The following NTRK3 variants were observed in gnomAD, a reference collection of about 807,000 sequenced individuals.
The protein encoded by NTRK3 is NT-3 growth factor receptor.
NTRK3 carries 24 observed loss-of-function variants against 91.7 expected under a neutral mutation model. The ratio of observed to expected loss-of-function variants is 0.26; its 90% CI spans 0.19 to 0.37. The LOEUF (loss-of-function observed/expected upper bound fraction) is 0.37, where lower values mean the gene tolerates loss of function less well. Ranked by LOEUF, NTRK3 falls within the 10% of genes least tolerant of loss-of-function variation. The pLI is 1.00. For missense variants in NTRK3, 880 were observed against 1,068.9 expected, an observed-to-expected ratio of 0.82 and a Z score of 2.46; for synonymous variants, 483 against 404.0, an observed-to-expected ratio of 1.20 and a Z score of -2.34.
At chr15:88,231,529 T>C (rs890027446) in intron 3 of NTRK3, among the ~76,000 whole-genome samples, 1 of 152,098 alleles carries the variant, frequency 6.6e-6, no homozygotes, top group African/African-American at 2.4e-5. Flanking sequence ...ACTGAGTCTA[T>C]GCAAATTTAG....
At chr15:88,214,513 A>G (rs2049553672) in intron 3 of NTRK3, among the ~76,000 whole-genome samples, 1 of 152,136 alleles carries the variant, frequency 6.6e-6, no homozygotes, top group Admixed American at 6.6e-5. Context: ...CAAAGACCCT[A>G]TTTCCAACAC....
intron 3 of NTRK3, among the ~76,000 whole-genome samples, chr15:88,209,780 C>T (rs915197213): frequency 6.6e-6 from 1 of 152,232 alleles, no homozygotes; most frequent in Non-Finnish European, 1.5e-5. Context: ...ACCACAGACT[C>T]AAACAGTGCC....
At chr15:88,043,644 A>T (rs2079866999) in intron 13 of NTRK3, among the ~76,000 whole-genome samples, 1 of 152,200 alleles carries the variant, frequency 6.6e-6, no homozygotes, top group Non-Finnish European at 1.5e-5. Context: ...CTGAGGGCTA[A>T]GCCCAAATGC....
At chr15:88,154,485 T>C (rs1398996266) in intron 5 of NTRK3, among the ~76,000 whole-genome samples, 1 of 152,244 alleles carries the variant, frequency 6.6e-6, no homozygotes, top group African/African-American at 2.4e-5. Flanking sequence ...ATCATTGATA[T>C]ATTTGCTTTT....
intron 14 of NTRK3, among the ~76,000 whole-genome samples, chr15:87,972,834 G>C (rs1478124323): frequency 2.0e-5 from 3 of 152,154 alleles, no homozygotes; most frequent in Non-Finnish European, 2.9e-5. Context: ...CTCTACCTCA[G>C]AGTTCCAAGT....
At chr15:87,912,694 C>T (rs561222047) in intron 17 of NTRK3, among the ~76,000 whole-genome samples, 1 of 151,954 alleles carries the variant, frequency 6.6e-6, no homozygotes, top group African/African-American at 2.4e-5. Context: ...AGATGACCTC[C>T]AACTTCATTT....
intron 13 of NTRK3, among the ~76,000 whole-genome samples, chr15:88,043,289 A>T (rs1333341558): frequency 6.6e-6 from 1 of 152,256 alleles, no homozygotes; most frequent in Non-Finnish European, 1.5e-5. Flanking sequence ...TGCACGTATA[A>T]GGTGACTGGA....
chr15:87,954,615 A>G (rs898336686), intron 14 of NTRK3, among the ~76,000 whole-genome samples: 7 of 152,244 alleles, frequency 4.6e-5, no homozygotes, highest in Non-Finnish European at 8.8e-5. Flanking sequence ...TATCTGCAAC[A>G]GAGCAAAACC....
At chr15:88,130,081 T>C (rs898980924) in intron 10 of NTRK3, among the ~76,000 whole-genome samples, 2 of 152,214 alleles carry the variant, frequency 1.3e-5, no homozygotes, top group African/African-American at 2.4e-5. Context: ...CCAACACCTT[T>C]ATCTCAGGCT....
chr15:88,208,416 T>C (rs1567649643), intron 3 of NTRK3, among the ~76,000 whole-genome samples: 2 of 152,202 alleles, frequency 1.3e-5, no homozygotes, highest in East Asian at 3.9e-4. Context: ...AGAAAGCAAT[T>C]TGACATTTGC....
intron 14 of NTRK3, among the ~76,000 whole-genome samples, chr15:87,987,955 A>G (rs1172129070): frequency 6.6e-6 from 1 of 152,146 alleles, no homozygotes; most frequent in Admixed American, 6.5e-5. Context: ...AGAATTACGA[A>G]TACTTTACGC....
intron 14 of NTRK3, among the ~76,000 whole-genome samples, chr15:87,989,517 G>A (rs1436499521): frequency 1.3e-5 from 2 of 152,108 alleles, no homozygotes; most frequent in Non-Finnish European, 2.9e-5. Flanking sequence ...GTTGGGGGAG[G>A]GGGAGGAATA....
chr15:87,885,771 AG>A (rs2065498655), intron 17 of NTRK3, 36 bp from the exon 18 acceptor site: 1 of 974,694 alleles, frequency 1.0e-6, no homozygotes, highest in African/African-American at 1.7e-5. Context: ...TAATATTAGA[AG>A]AAAACTTAGA....
At chr15:88,195,778 TG>T (rs1416212628) in intron 3 of NTRK3, among the ~76,000 whole-genome samples, 1 of 152,088 alleles carries the variant, frequency 6.6e-6, no homozygotes, top group African/African-American at 2.4e-5. Context: ...CAAGGGGTCT[TG>T]GGGGGAAAAG....
rs1292130934 is a variant in NTRK3 at position 87,878,347 on chromosome 15, C to T, written c.2293-1227G>A. On this transcript the variant is annotated intron_variant, in intron 18 of 18. Transcript: ENST00000394480. ...AACAGTGCCTTGTTTCCAGTATTGT[C>T]TCATGTCACGCTGACTTTGGGAGGG... Among the ~76,000 whole-genome samples the T allele has an allele frequency of 3.3e-5, 5 of 152,166 alleles. No homozygotes were observed. The East Asian group carries it at 9.6e-4, about 29-fold the overall frequency.
chr15:88,152,433 G>C (rs1372320421), intron 5 of NTRK3, among the ~76,000 whole-genome samples: 2 of 152,154 alleles, frequency 1.3e-5, no homozygotes, highest in Non-Finnish European at 2.9e-5. Flanking sequence ...AATATGACTA[G>C]TGTCCTTATA....
At chr15:87,982,093 C>A (rs2074332629) in intron 14 of NTRK3, among the ~76,000 whole-genome samples, 2 of 152,326 alleles carry the variant, frequency 1.3e-5, no homozygotes, top group African/African-American at 4.8e-5. Flanking sequence ...CCAAGCCCGC[C>A]TAAGTCTCTG....
chr15:88,127,185 T>G, exon 12 of NTRK3: 1 of 1,614,108 alleles, frequency 6.2e-7, no homozygotes, highest in Non-Finnish European at 8.5e-7. Context: ...TCTTCTGGTT[T>G]GTGGGTCACA....
chr15:88,091,375 A>T (rs1363510488), intron 13 of NTRK3, among the ~76,000 whole-genome samples: 2 of 152,218 alleles, frequency 1.3e-5, no homozygotes, highest in African/African-American at 4.8e-5. Context: ...CAATAACATA[A>T]AAATTAAATG....
Sources: allele counts gnomAD v4.1 joint callset (sites outside exome capture counted in the v4.1 genomes callset), GRCh38; gene constraint gnomAD v4.1.1; transcripts MANE v1.5; gene names NCBI Gene and HGNC (gene_info 2026-07-23, HGNC 2026-07-21).